The following USP34 variants were observed in gnomAD, a reference collection of about 807,000 sequenced individuals.
The protein encoded by USP34 is ubiquitin specific peptidase 34, also known as ubiquitin carboxyl-terminal hydrolase 34.
In USP34, 70 loss-of-function variants were observed where a neutral mutation model predicts 460.3. That is an observed-to-expected ratio of 0.15 (90% CI 0.13 to 0.19). The LOEUF is 0.19. Ranked by LOEUF, USP34 falls within the 10% of genes least tolerant of loss-of-function variation. The pLI is 1.00. For synonymous variants in USP34, 1,647 were observed against 1,405.3 expected (o/e 1.17, Z -3.85); for missense variants, 3,985 against 4,236.2 (o/e 0.94, Z 1.65).
intron 2 of USP34, among the ~76,000 whole-genome samples, chr2:61,415,769 A>T (rs1303415099): frequency 6.6e-6 from 1 of 152,158 alleles, no homozygotes; most frequent in Non-Finnish European, 1.5e-5. Context: ...CCACCATCTG[A>T]GCTTCTCTTA....
intron 1 of USP34, among the ~76,000 whole-genome samples, chr2:61,445,641 A>C (rs1195066988): frequency 6.6e-6 from 1 of 151,996 alleles, no homozygotes. Context: ...AATCTAAATT[A>C]ACATAAACTG....
chr2:61,450,685 T>A (rs1695244878), intron 1 of USP34, among the ~76,000 whole-genome samples: 1 of 151,576 alleles, frequency 6.6e-6, no homozygotes, highest in Admixed American at 6.6e-5. Context: ...AACAAAAATA[T>A]CCAGGAGTAC....
In USP34 at chr2:61,262,182, C is replaced by CT. The variant is rs537665771; in HGVS notation, c.5779-2407dup. 3.1e-3 allele frequency among the ~76,000 whole-genome samples: 409 copies of CT among 131,062 alleles called. 2 individuals carry two copies. The highest frequency in any genetic ancestry group is 6.8e-3 in the Admixed American group (88 of 12,866). The allele number at this position is 131,062 out of a possible 152,430, so 86.0% of individuals were successfully genotyped here. The stretch of plus-strand genomic sequence containing the variant: ...ATAGAAATATATGTACACAGGTCTC[C>CT]TTTTTTTTTTTACTGTTTACTCTTA... On this transcript the variant is annotated intron_variant, in intron 43 of 79. Transcript: ENST00000398571.
chr2:61,412,079 C>T (rs1225657678), intron 2 of USP34, among the ~76,000 whole-genome samples: 1 of 150,568 alleles, frequency 6.6e-6, no homozygotes, highest in African/African-American at 2.4e-5. Flanking sequence ...ATCCCAGATA[C>T]TTGGGAGGCT....
At chr2:61,244,088 C>T (rs907489258) in intron 51 of USP34, among the ~76,000 whole-genome samples, 1 of 151,570 alleles carries the variant, frequency 6.6e-6, no homozygotes, top group Non-Finnish European at 1.5e-5. Flanking sequence ...CATTTCTCAA[C>T]TTTCGGCTAA....
intron 5 of USP34, among the ~76,000 whole-genome samples, chr2:61,384,947 T>C (rs1226956265): frequency 6.6e-6 from 1 of 151,982 alleles, no homozygotes; most frequent in Non-Finnish European, 1.5e-5. Flanking sequence ...GATAATATAA[T>C]TATATAATTA....
chr2:61,290,734 T>A (rs1448831713), intron 33 of USP34, among the ~76,000 whole-genome samples: 1 of 152,130 alleles, frequency 6.6e-6, no homozygotes, highest in East Asian at 1.9e-4. Context: ...TTTTCAAAAC[T>A]CACTCTTTAA....
chr2:61,404,544 A>G (rs1693812814), intron 3 of USP34, among the ~76,000 whole-genome samples: 1 of 152,158 alleles, frequency 6.6e-6, no homozygotes. Context: ...GCCTTCCTGG[A>G]GCACTGCTAA....
chr2:61,190,741 T>C lies in USP34; in HGVS notation c.9589-83A>G, dbSNP rs561390848. On this transcript the variant is annotated intron_variant, in intron 76 of 79. Transcript: ENST00000398571. Reference sequence around the variant, plus strand: ...GGAAAAAACTTACACAGAAAAAACATACACTTGTGTATGATGGAATCTGAA... The same window carrying C: ...GGAAAAAACTTACACAGAAAAAACACACACTTGTGTATGATGGAATCTGAA... 17 of 1,489,932 alleles carry C rather than the reference T, an allele frequency of 1.1e-5. No individual in the cohort carries two copies. The African/African-American group carries it at 1.5e-4, about 14-fold the overall frequency. 92.3% of individuals were successfully genotyped at this position (1,489,932 alleles called of 1,614,324 possible).
At position 61,396,709 on chromosome 2, in the gene USP34, CG is replaced by C. The variant is rs771917938; in HGVS notation, c.553-1477del. 5.9e-5 allele frequency among the ~76,000 whole-genome samples: 9 copies of C among 152,106 alleles called. 1 individual carries two copies. The East Asian group carries it at 9.7e-4, about 16-fold the overall frequency. On this transcript the variant is annotated intron_variant, in intron 3 of 79. Transcript: ENST00000398571. ...TTCACCGTGTTAGCCAGGATGGTCT[CG>C]ATCTCCTGACCTCATGATCCACCCG...
At chr2:61,354,528 T>C (rs1692048275) in intron 10 of USP34, among the ~76,000 whole-genome samples, 1 of 152,118 alleles carries the variant, frequency 6.6e-6, no homozygotes. Flanking sequence ...AGCCACTAAA[T>C]GGGAGAAGGG....
At chr2:61,243,776 C>T (rs1289076451) in intron 51 of USP34, among the ~76,000 whole-genome samples, 1 of 150,696 alleles carries the variant, frequency 6.6e-6, no homozygotes, top group African/African-American at 2.4e-5. Flanking sequence ...GAGGCCGAGG[C>T]AGGAGAATCA....
chr2:61,266,153 A>C lies in USP34; in HGVS notation c.5448T>G (p.Asp1816Glu), dbSNP rs1218025892. The change falls in exon 42 of 80, where the codon GAT becomes GAG. Residue 1816 changes from aspartate to glutamate, a missense_variant. Coordinates refer to ENST00000398571, the MANE Select transcript of USP34 (RefSeq NM_014709.4). ...FSREGQEFLR[D>E]IFNLLFLLPS... Reference sequence around the variant, plus strand: ...GCAACAAAAACAGGAGATTGAAGATATCTCTCAAAAATTCCTGGGGAGTAA... The same window carrying C: ...GCAACAAAAACAGGAGATTGAAGATCTCTCTCAAAAATTCCTGGGGAGTAA... 5.6e-6 allele frequency: 9 copies of C among 1,609,622 alleles called. No homozygotes were observed. The highest frequency in any genetic ancestry group is 1.6e-4 in the Middle Eastern group (1 of 6,068).
chr2:61,383,617 C>T (rs796730029), intron 5 of USP34, among the ~76,000 whole-genome samples: 3 of 151,766 alleles, frequency 2.0e-5, no homozygotes, highest in South Asian at 2.1e-4. Context: ...GCAGGAGAAT[C>T]GCTTGAACCC....
chr2:61,311,554 T>G lies in USP34; in HGVS notation c.3803A>C (p.Lys1268Thr), dbSNP rs1363418705. 6.3e-7 allele frequency: 1 copy of G among 1,597,268 alleles called. No individual in the cohort carries two copies. The highest frequency in any genetic ancestry group is 1.2e-5 in the South Asian group (1 of 86,776). ...GAAAGGCTTACCAGGAAACTCTCCT[T>G]TTCGGTTGCTTTGACCAAACTCCTG... is the stretch of plus-strand genomic sequence containing the variant. ...QLQEFGQSNR[K>T]GEFPGGLMGP... Residue 1268 changes from lysine (K) to threonine (T), a missense_variant, in exon 27 of 80, where the codon AAA (lysine) becomes ACA (threonine). Lys to Thr is a moderately conservative substitution (Grantham distance 78, BLOSUM62 -1). Around this residue, in one of 14 missense-constraint regions of USP34, gnomAD observed 1,114 missense variants for 1,122.5 expected, o/e 0.99. Transcript: ENST00000398571.
At chr2:61,460,403 C>T (rs1326893708) in intron 1 of USP34, among the ~76,000 whole-genome samples, 1 of 152,124 alleles carries the variant, frequency 6.6e-6, no homozygotes, top group Non-Finnish European at 1.5e-5. Flanking sequence ...TCCACTGTGG[C>T]ACTACACAAT....
At chr2:61,234,878 C>T (rs914484118) in intron 57 of USP34, among the ~76,000 whole-genome samples, 1 of 152,154 alleles carries the variant, frequency 6.6e-6, no homozygotes, top group South Asian at 2.1e-4. Flanking sequence ...GCAAGTGATC[C>T]GCCCGCCTCA....
chr2:61,257,379 T>C, intron 44 of USP34, 29 bp from the exon 45 acceptor site: 1 of 1,530,930 alleles, frequency 6.5e-7, no homozygotes, highest in Middle Eastern at 2.1e-4. Flanking sequence ...ACATTCTAAG[T>C]GTCAGATAAA....
chr2:61,358,750 G>A (rs1333348494), intron 10 of USP34, among the ~76,000 whole-genome samples: 1 of 152,150 alleles, frequency 6.6e-6, no homozygotes, highest in Non-Finnish European at 1.5e-5. Flanking sequence ...CTACTAAGCT[G>A]AGAAGCAAAT....
Sources: gnomAD v4.1 joint callset for allele counts (sites outside exome capture counted in the v4.1 genomes callset) on GRCh38, gnomAD v4.1.1 for gene constraint, gnomAD v4.1.1 regional missense constraint, MANE v1.5 for transcripts, NCBI Gene and HGNC (gene_info 2026-07-23, HGNC 2026-07-21) for gene names.